Variants in MAP7 observed in about 807,000 individuals in gnomAD.
The protein encoded by MAP7 is ensconsin.
A neutral mutation model predicts 94.8 loss-of-function variants in MAP7; 52 were observed. That is an observed-to-expected ratio of 0.55 (90% confidence interval 0.44 to 0.69). The LOEUF (loss-of-function observed/expected upper bound fraction) is 0.69. MAP7 is among the 30% of genes least tolerant of loss of function. The pLI, the probability that MAP7 is intolerant of heterozygous loss-of-function variation, is 0.00. For synonymous variants in MAP7, 350 were observed against 357.0 expected (o/e 0.98, Z 0.22); for missense variants, 940 against 964.6 (o/e 0.97, Z 0.34).
intron 1 of MAP7, among the ~76,000 whole-genome samples, chr6:136,489,543 T>A (rs1190952053): frequency 2.0e-5 from 3 of 146,434 alleles, no homozygotes; most frequent in Non-Finnish European, 4.5e-5. Flanking sequence ...TTTTTTTTTT[T>A]TTTTGGCAGA....
chr6:136,435,888 A>C (rs906697867), intron 1 of MAP7, among the ~76,000 whole-genome samples: 5 of 152,218 alleles, frequency 3.3e-5, no homozygotes, highest in Admixed American at 3.3e-4. Flanking sequence ...GTGAATAACT[A>C]TACACATGTT....
At chr6:136,532,759 T>C (rs532304753) in intron 1 of MAP7, among the ~76,000 whole-genome samples, 1 of 152,322 alleles carries the variant, frequency 6.6e-6, no homozygotes, top group South Asian at 2.1e-4. Flanking sequence ...TAAAGCCCTC[T>C]CCTTTGCTGT....
At chr6:136,433,414 C>T (rs1366416999) in intron 1 of MAP7, among the ~76,000 whole-genome samples, 2 of 152,224 alleles carry the variant, frequency 1.3e-5, no homozygotes, top group Non-Finnish European at 2.9e-5. Flanking sequence ...TACACCTGAT[C>T]CCTTGCTCCC....
chr6:136,358,979 C>A (rs763400252), intron 15 of MAP7, among the ~76,000 whole-genome samples: 14 of 152,118 alleles, frequency 9.2e-5, no homozygotes, highest in Non-Finnish European at 1.8e-4. Context: ...CGGCCTGGCA[C>A]ATAGAAGAGC....
rs144889369 is a variant in MAP7 at position 136,356,761 on chromosome 6, G to A, written c.1946C>T (p.Pro649Leu). Reference protein sequence around the residue: ...VSALPCTTNAPGNGKPVGSPH... With the variant: ...VSALPCTTNALGNGKPVGSPH... Reference sequence around the variant, plus strand: ...GCTGCCAACTGGCTTTCCATTTCCCGGAGCGTTTGTTGTACATGGAAGTGC... The same window carrying A: ...GCTGCCAACTGGCTTTCCATTTCCCAGAGCGTTTGTTGTACATGGAAGTGC... The change falls in exon 16 of 18, where the codon CCG (proline) becomes CTG (leucine). Residue 649 changes from proline to leucine, a missense_variant. Physicochemically the swap from Pro to Leu is moderately conservative, Grantham distance 98. Transcript: ENST00000354570. The A allele has an allele frequency of 5.1e-4, 825 of 1,614,080 alleles. 5 individuals carry two copies. The African/African-American group carries it at 9.5e-3, about 19-fold the overall frequency.
chr6:136,419,225 T>C (rs978117699), intron 2 of MAP7, among the ~76,000 whole-genome samples: 1 of 152,164 alleles, frequency 6.6e-6, no homozygotes, highest in Non-Finnish European at 1.5e-5. Flanking sequence ...TTTAATAATA[T>C]ATTCCTAGTA....
rs768382148 is a variant in MAP7, at chr6:136,360,969, G to A, written c.1701+36C>T. ...GCTGGGCTGGGGCGTCTCCCTGCGGGACTGGGGCCGGGGCCAGGGTGGGGT... is the reference window on the plus strand; with the variant it reads ...GCTGGGCTGGGGCGTCTCCCTGCGGAACTGGGGCCGGGGCCAGGGTGGGGT... On this transcript the variant is annotated intron_variant, in intron 12 of 17. Coordinates refer to ENST00000354570, the MANE Select transcript of MAP7 (RefSeq NM_003980.6). 1.0e-5 allele frequency: 16 copies of A among 1,552,926 alleles called. No homozygotes were observed. The South Asian group carries it at 1.6e-4, about 16-fold the overall frequency.
intron 1 of MAP7, among the ~76,000 whole-genome samples, chr6:136,424,670 T>G (rs1792596210): frequency 6.6e-6 from 1 of 152,250 alleles, no homozygotes; most frequent in African/African-American, 2.4e-5. Context: ...CACAAAGGCC[T>G]TGGTGTTCTC....
intron 8 of MAP7, among the ~76,000 whole-genome samples, chr6:136,366,784 T>G (rs1257960911): frequency 6.6e-6 from 1 of 152,214 alleles, no homozygotes; most frequent in African/African-American, 2.4e-5. Flanking sequence ...CCCACAAATG[T>G]CAAATGTTAC....
chr6:136,396,072 A>AT (rs552849355), intron 3 of MAP7, among the ~76,000 whole-genome samples: 70 of 149,352 alleles, frequency 4.7e-4, no homozygotes, highest in African/African-American at 1.2e-3. Flanking sequence ...CCACATAAAG[A>AT]TTTTTTTTTT....
rs373754692 is a variant in MAP7, at chr6:136,381,919, C to CACACACACACACACACAG, written c.637+1751_637+1752insCTGTGTGTGTGTGTGTGT. Among the ~76,000 whole-genome samples, 216 of 102,998 alleles carry CACACACACACACACACAG rather than the reference C, an allele frequency of 2.1e-3. 2 individuals are homozygous for CACACACACACACACACAG. Among genetic ancestry groups the CACACACACACACACACAG allele is most frequent in the East Asian group, 0.013 (46 of 3,596 alleles). 67.6% of individuals were successfully genotyped at this position (102,998 alleles called of 152,430 possible). Reference sequence around the variant, plus strand: ...ACACACACACACACACACACACACACAGAGAGAGAGAGAGAGAATGCATGG... The same window carrying CACACACACACACACACAG: ...ACACACACACACACACACACACACACACACACACACACACACAGAGAGAGAGAGAGAGAGAATGCATGG... On this transcript the variant is annotated intron_variant, in intron 6 of 17. Coordinates refer to ENST00000354570, the MANE Select transcript of MAP7 (RefSeq NM_003980.6).
chr6:136,550,394 T>A lies in MAP7; in HGVS notation c.15A>T (p.Gly5=), dbSNP rs1490147803. The A allele has an allele frequency of 2.0e-6, 3 of 1,527,522 alleles. No homozygotes were observed. Among genetic ancestry groups the A allele is most frequent in the Admixed American group, 3.9e-5 (2 of 51,104 alleles). 94.6% of individuals were successfully genotyped at this position (1,527,522 alleles called of 1,614,324 possible). A position where few individuals can be genotyped will look rare whatever the true frequency, so the allele number is the denominator to read the frequency against. The change falls in exon 1 of 18, where the codon GGA becomes GGT. Residue 5 remains glycine, a synonymous_variant. Coordinates refer to ENST00000354570, the MANE Select transcript of MAP7 (RefSeq NM_003980.6). This position sits in a 1 kb window ranked among gnomAD's most constrained non-coding sequence, Gnocchi z 5.1. Reference sequence around the variant, plus strand: ...CGCCCCTGTGGCCGTCGCCGCCAGCTCCTAGCTCCGCCATGGTGCTCCGAT... The same window carrying A: ...CGCCCCTGTGGCCGTCGCCGCCAGCACCTAGCTCCGCCATGGTGCTCCGAT... MAEL[G]AGGDGHRGGD...
Position 136,359,811 on chromosome 6 carries a change from C to T in MAP7, c.1912+9G>A, listed in dbSNP as rs369631923. 80 of 1,610,716 alleles carry T rather than the reference C, an allele frequency of 5.0e-5. No homozygotes were observed. In the African/African-American group the frequency reaches 1.0e-3, roughly 20 times the overall value. ...ATATAAATTGGTTTGAGTTCATTGA[C>T]AGAAATACCTGTTCCTCCAGTGAGA... On this transcript the variant is annotated intron_variant, in intron 15 of 17. Coordinates refer to ENST00000354570, the MANE Select transcript of MAP7 (RefSeq NM_003980.6).
At chr6:136,447,622 G>GT (rs1433309923) in intron 1 of MAP7, among the ~76,000 whole-genome samples, 2 of 152,066 alleles carry the variant, frequency 1.3e-5, no homozygotes, top group African/African-American at 4.8e-5. Flanking sequence ...ATGTTAAACT[G>GT]TAATACTTAA....
At chr6:136,400,179 G>A (rs576171068) in intron 3 of MAP7, among the ~76,000 whole-genome samples, 94 of 152,228 alleles carry the variant, frequency 6.2e-4, no homozygotes, top group Middle Eastern at 3.4e-3. Flanking sequence ...CACTTTGGGA[G>A]GCTGAGGCGG....
chr6:136,528,538 A>T (rs1828213783), intron 1 of MAP7, among the ~76,000 whole-genome samples: 2 of 152,250 alleles, frequency 1.3e-5, no homozygotes, highest in Non-Finnish European at 2.9e-5. Flanking sequence ...ATAACAAAAC[A>T]AAAAAGCAAA....
intron 5 of MAP7, among the ~76,000 whole-genome samples, chr6:136,386,599 C>T (rs1221343807): frequency 6.6e-6 from 1 of 151,822 alleles, no homozygotes; most frequent in African/African-American, 2.4e-5. Context: ...AAATATATAC[C>T]CTGCCAGGTT....
chr6:136,358,997 A>C (rs555184420), intron 15 of MAP7, among the ~76,000 whole-genome samples: 1 of 152,222 alleles, frequency 6.6e-6, no homozygotes, highest in African/African-American at 2.4e-5. Context: ...AGCTTCAAAA[A>C]TGCTTGTTGA....
At chr6:136,533,169 G>A (rs1828608810) in intron 1 of MAP7, among the ~76,000 whole-genome samples, 1 of 152,176 alleles carries the variant, frequency 6.6e-6, no homozygotes, top group Non-Finnish European at 1.5e-5. Context: ...CTACTCGGGA[G>A]GCTGAGGCAG....
Sources: allele counts gnomAD v4.1 joint callset (sites outside exome capture counted in the v4.1 genomes callset), GRCh38; gene constraint gnomAD v4.1.1; non-coding constraint Gnocchi (gnomAD v3.1); transcripts MANE v1.5; gene names NCBI Gene and HGNC (gene_info 2026-07-23, HGNC 2026-07-21).